Variants in GAB3 observed in about 807,000 individuals in gnomAD.
GAB3 encodes GRB2-associated-binding protein 3.
Under a neutral mutation model 40.4 loss-of-function variants are expected in GAB3, and 12 were observed. The ratio of observed to expected loss-of-function variants is 0.30; its 90% CI spans 0.19 to 0.48. The LOEUF (loss-of-function observed/expected upper bound fraction) is 0.48, where lower values mean the gene tolerates loss of function less well. GAB3 is among the 20% of genes least tolerant of loss of function. The pLI is 0.99. For missense variants in GAB3, 381 were observed against 461.9 expected (o/e 0.82, Z 1.61); for synonymous variants, 154 against 176.7 (o/e 0.87, Z 1.02).
intron 4 of GAB3, among the ~76,000 whole-genome samples, chrX:154,709,563 C>A (rs782301745): frequency 1.8e-5 from 2 of 109,213 alleles, no homozygotes; most frequent in East Asian, 5.7e-4. Context: ...TGTGATCTGC[C>A]CGCCCCCGCC....
chrX:154,704,058 C>G (rs1391960201), intron 4 of GAB3, among the ~76,000 whole-genome samples: 1 of 111,609 alleles, frequency 9.0e-6, no homozygotes, highest in Non-Finnish European at 1.9e-5. Flanking sequence ...ACTCTTCAGC[C>G]ATAAAAAAGA....
intron 6 of GAB3, among the ~76,000 whole-genome samples, chrX:154,698,722 C>T (rs2070698015): frequency 8.9e-6 from 1 of 112,033 alleles, no homozygotes; most frequent in African/African-American, 3.2e-5. Flanking sequence ...AGAGAAGCTG[C>T]CTGGGAGTAA....
intron 1 of GAB3, among the ~76,000 whole-genome samples, chrX:154,720,626 CAAAAAA>C (rs782047643): frequency 3.2e-5 from 1 of 30,806 alleles, no homozygotes; most frequent in Admixed American, 4.3e-4. Context: ...GACTCCGTCT[CAAAAAA>C]AAAAAAAAAA....
chrX:154,741,617 C>T (rs2071441432), intron 1 of GAB3, among the ~76,000 whole-genome samples: 1 of 99,483 alleles, frequency 1.0e-5, no homozygotes, highest in African/African-American at 3.8e-5. Flanking sequence ...CGGAGCTTGC[C>T]GTGAGCCGAG....
At chrX:154,745,763 A>T (rs2071516525) in intron 1 of GAB3, among the ~76,000 whole-genome samples, 1 of 112,164 alleles carries the variant, frequency 8.9e-6, no homozygotes, top group Admixed American at 9.4e-5. Context: ...TTAAAGAAAT[A>T]AAATTTGGCC....
At chrX:154,736,449 C>A (rs1320055882) in intron 1 of GAB3, among the ~76,000 whole-genome samples, 1 of 112,368 alleles carries the variant, frequency 8.9e-6, no homozygotes, top group Non-Finnish European at 1.9e-5. Flanking sequence ...AGGAAGAGTT[C>A]ATTATATTAT....
At chrX:154,680,628 C>G (rs1236605927) in intron 8 of GAB3, among the ~76,000 whole-genome samples, 11 of 111,759 alleles carry the variant, frequency 9.8e-5, no homozygotes, top group African/African-American at 3.6e-4. Context: ...TTGCACAATA[C>G]AAACAGTTAT....
At chrX:154,682,537 T>C (rs1557246969) in intron 8 of GAB3, among the ~76,000 whole-genome samples, 14 of 112,007 alleles carry the variant, frequency 1.2e-4, no homozygotes. Context: ...TTGAGTTCTA[T>C]CAAATGCTTT....
In GAB3 at chrX:154,697,970, C is replaced by A. The variant is rs182187124; in HGVS notation, c.1346-757G>T. On this transcript the variant is annotated intron_variant, in intron 6 of 9. Transcript: ENST00000424127. ...TTGCATCCACTCATTAAATCTCCAA[C>A]CCTGAGTCTGTCAGACATCTTCTGT... Among the ~76,000 whole-genome samples, 5 of 112,288 alleles carry A rather than the reference C, an allele frequency of 4.5e-5. No homozygotes were observed. The East Asian group carries it at 1.1e-3, about 25-fold the overall frequency.
At chrX:154,742,678 A>G (rs1242554565) in intron 1 of GAB3, among the ~76,000 whole-genome samples, 4 of 111,263 alleles carry the variant, frequency 3.6e-5, no homozygotes, top group Non-Finnish European at 7.5e-5. Flanking sequence ...TGAATTTCAG[A>G]AAGTACACTG....
chrX:154,725,286 C>T (rs1230782727), intron 1 of GAB3, among the ~76,000 whole-genome samples: 2 of 111,818 alleles, frequency 1.8e-5, no homozygotes, highest in African/African-American at 6.5e-5. Flanking sequence ...ACTCTGCAAC[C>T]TTTATTATGC....
intron 1 of GAB3, among the ~76,000 whole-genome samples, chrX:154,726,486 T>C (rs374351558): frequency 1.8e-5 from 2 of 111,960 alleles, no homozygotes; most frequent in African/African-American, 6.5e-5. Flanking sequence ...CAGATCACGA[T>C]GCATAAAAGT....
chrX:154,713,351 T>C lies in GAB3; in HGVS notation c.452A>G (p.His151Arg), dbSNP rs2070985362. The change falls in exon 3 of 10, where the codon CAT (histidine) becomes CGT (arginine). Residue 151 changes from histidine to arginine, a missense_variant. Physicochemically the swap from His to Arg is conservative, Grantham distance 29 (BLOSUM62 0). Around this residue, in one of 2 missense-constraint regions of GAB3, gnomAD observed 364 missense variants for 421.0 expected, o/e 0.86. Coordinates refer to ENST00000424127, the MANE Select transcript of GAB3 (RefSeq NM_001081573.3). ...TCTTGGCAAAGAGGAGCTGGCAGCA[T>C]GGGCGGTAAGAAGGGAGCTGGCAGA... Reference protein sequence around the residue: ...PSSASSLLTAHAASSSLPRDD... With the variant: ...PSSASSLLTARAASSSLPRDD... 1 of 1,210,342 alleles carries C rather than the reference T, an allele frequency of 8.3e-7. No homozygotes were observed. The highest frequency in any genetic ancestry group is 3.0e-5 in the East Asian group (1 of 33,826).
chrX:154,741,537 G>A (rs1419607691), intron 1 of GAB3, among the ~76,000 whole-genome samples: 1 of 109,279 alleles, frequency 9.2e-6, no homozygotes, highest in African/African-American at 3.3e-5. Flanking sequence ...TGAGCCGGGT[G>A]CAGTGGCAGG....
At chrX:154,697,019 C>T in intron 7 of GAB3, 113 bp downstream of exon 7, 1 of 569,820 alleles carries the variant, frequency 1.8e-6, no homozygotes, top group Non-Finnish European at 2.9e-6. Flanking sequence ...ATAAACCTCA[C>T]CCCTCCTTTG....
chrX:154,715,945 G>A, intron 2 of GAB3, 81 bp downstream of exon 2: 1 of 941,627 alleles, frequency 1.1e-6, no homozygotes, highest in Non-Finnish European at 1.5e-6. Flanking sequence ...GGCAGGCTTG[G>A]CATCTTGAAC....
At chrX:154,741,460 G>A (rs1225767958) in intron 1 of GAB3, among the ~76,000 whole-genome samples, 2 of 110,163 alleles carry the variant, frequency 1.8e-5, no homozygotes, top group Non-Finnish European at 3.8e-5. Flanking sequence ...GGTGGATCAC[G>A]AGGTCAGGAG....
chrX:154,686,002 G>C lies in GAB3; in HGVS notation c.1531-5754C>G, dbSNP rs1420804815. Among the ~76,000 whole-genome samples the C allele has an allele frequency of 3.6e-5, 4 of 111,555 alleles. No individual in the cohort carries two copies. In the East Asian group the frequency reaches 1.1e-3, roughly 31 times the overall value. The stretch of plus-strand genomic sequence containing the variant: ...CCGAGATCAAATAGATAATGATCCT[G>C]TATTAAAGAAATTGAATTCACCCAG... On this transcript the variant is annotated intron_variant, in intron 8 of 9. Coordinates refer to ENST00000424127, the MANE Select transcript of GAB3 (RefSeq NM_001081573.3).
chrX:154,723,549 C>T (rs782636898), intron 1 of GAB3, among the ~76,000 whole-genome samples: 48 of 111,510 alleles, frequency 4.3e-4, no homozygotes, highest in Non-Finnish European at 7.5e-4. Flanking sequence ...CTGAGGGCTG[C>T]CCTCTCTTCT....
Sources: allele counts gnomAD v4.1 joint callset (sites outside exome capture counted in the v4.1 genomes callset), GRCh38; gene constraint gnomAD v4.1.1; regional missense constraint gnomAD v4.1.1; transcripts MANE v1.5; gene names NCBI Gene and HGNC (gene_info 2026-07-23, HGNC 2026-07-21).